The following PSIP1 variants were observed in gnomAD, a reference collection of about 807,000 sequenced individuals.
PSIP1 encodes the protein PC4 and SFRS1-interacting protein.
Under a neutral mutation model 74.7 loss-of-function variants are expected in PSIP1, and 19 were observed. That is an observed-to-expected ratio of 0.25 (90% CI 0.18 to 0.37). The LOEUF (loss-of-function observed/expected upper bound fraction) is 0.37, where lower values mean the gene tolerates loss of function less well. PSIP1 is among the 10% of genes least tolerant of loss of function. PSIP1 has a pLI of 1.00. For synonymous variants in PSIP1, 222 were observed against 195.3 expected, an observed-to-expected ratio of 1.14 and a Z score of -1.14; for missense variants, 601 against 614.3, an observed-to-expected ratio of 0.98 and a Z score of 0.23.
chr9:15,504,080 C>G (rs2037470433), intron 3 of PSIP1, among the ~76,000 whole-genome samples: 2 of 152,200 alleles, frequency 1.3e-5, no homozygotes, highest in East Asian at 3.8e-4. Context: ...AAGTCACCAC[C>G]AGACCAACAT....
chr9:15,482,898 A>G (rs1325652196), intron 6 of PSIP1, among the ~76,000 whole-genome samples: 4 of 152,180 alleles, frequency 2.6e-5, no homozygotes, highest in African/African-American at 4.8e-5. Context: ...AGTATCCTAG[A>G]GCAGCCTATG....
At chr9:15,481,179 T>G (rs1445520676) in intron 6 of PSIP1, among the ~76,000 whole-genome samples, 4 of 152,206 alleles carry the variant, frequency 2.6e-5, no homozygotes, top group African/African-American at 7.2e-5. Context: ...CAATCCTGAT[T>G]CAATAGCTCT....
intron 10 of PSIP1, chr9:15,471,833 G>C (rs1444656751): frequency 3.1e-6 from 3 of 961,194 alleles, no homozygotes; most frequent in African/African-American, 3.5e-5. Flanking sequence ...TATTGACCTA[G>C]AGCATGTTTT....
chr9:15,478,077 C>A (rs997647542), intron 8 of PSIP1, among the ~76,000 whole-genome samples: 4 of 142,510 alleles, frequency 2.8e-5, no homozygotes, highest in East Asian at 2.1e-4. Context: ...TTACAGTGTG[C>A]GATTGCAGCA....
At chr9:15,506,693 T>C in intron 2 of PSIP1, 56 bp from the exon 3 acceptor site, 1 of 1,321,376 alleles carries the variant, frequency 7.6e-7, no homozygotes, top group Non-Finnish European at 1.1e-6. Flanking sequence ...CCTCAACATT[T>C]ATCTGAATAA....
chr9:15,470,276 G>A (rs113867670), intron 10 of PSIP1, among the ~76,000 whole-genome samples: 31 of 152,210 alleles, frequency 2.0e-4, no homozygotes, highest in African/African-American at 7.5e-4. Flanking sequence ...AGGCCACAAT[G>A]GGAAGATGAC....
chr9:15,479,052 G>A (rs1261918444), intron 7 of PSIP1, among the ~76,000 whole-genome samples: 1 of 151,618 alleles, frequency 6.6e-6, no homozygotes, highest in African/African-American at 2.4e-5. Flanking sequence ...CCCATTTTCA[G>A]TAAGAATCCT....
Position 15,510,329 on chromosome 9 carries a change from G to C in PSIP1, c.-141C>G, listed in dbSNP as rs1210686924. ...TGCCTCGGGGCGTCCCGACGCGCCT[G>C]CTAGGGAGAGCACCGAGGGCGGTTA... On this transcript the variant is annotated splice_region_variant and 5_prime_UTR_variant, in exon 2 of 16. Transcript: ENST00000380733. 9 of 480,260 alleles carry C rather than the reference G, an allele frequency of 1.9e-5. No homozygotes were observed. In the East Asian group the frequency reaches 3.2e-4, roughly 17 times the overall value. 29.7% of individuals were successfully genotyped at this position (480,260 alleles called of 1,614,324 possible).
intron 10 of PSIP1, chr9:15,470,608 C>T: frequency 1.0e-6 from 1 of 952,698 alleles, no homozygotes; most frequent in Non-Finnish European, 1.2e-6. Context: ...TTCAAATAGA[C>T]AAGAACAAAA....
At chr9:15,473,913 A>AC in intron 9 of PSIP1, 96 bp downstream of exon 9, 11 of 918,634 alleles carry the variant, frequency 1.2e-5, no homozygotes, top group Admixed American at 3.6e-5. Flanking sequence ...ACAAAAAAAA[A>AC]ACAAAAAAAA....
At chr9:15,480,820 T>TGAGGCAGGAGAATTGCTGG (rs1406634932) in intron 6 of PSIP1, among the ~76,000 whole-genome samples, 4 of 152,116 alleles carry the variant, frequency 2.6e-5, no homozygotes, top group Non-Finnish European at 5.9e-5. Context: ...CATAGGAAAC[T>TGAGGCAGGAGAATTGCTGG]GAGGCAGGAG....
intron 6 of PSIP1, among the ~76,000 whole-genome samples, chr9:15,480,573 A>G (rs527788881): frequency 6.6e-6 from 1 of 152,350 alleles, no homozygotes; most frequent in East Asian, 1.9e-4. Context: ...CAATAAACTG[A>G]TACTTTATGA....
At chr9:15,507,619 C>T (rs2037655037) in intron 2 of PSIP1, among the ~76,000 whole-genome samples, 1 of 152,006 alleles carries the variant, frequency 6.6e-6, no homozygotes, top group Non-Finnish European at 1.5e-5. Flanking sequence ...GCCTGGGTGA[C>T]AGAGTGAGAT....
intron 10 of PSIP1, chr9:15,470,665 A>T: frequency 3.2e-6 from 3 of 936,338 alleles, no homozygotes; most frequent in Non-Finnish European, 3.8e-6. Flanking sequence ...TTTATTTTAA[A>T]ATTTTGGTTA....
chr9:15,497,527 A>G (rs2037138773), intron 3 of PSIP1, among the ~76,000 whole-genome samples: 2 of 152,062 alleles, frequency 1.3e-5, no homozygotes, highest in Admixed American at 6.5e-5. Flanking sequence ...GGGTTTCACC[A>G]TGTTGTCCAG....
intron 3 of PSIP1, among the ~76,000 whole-genome samples, chr9:15,494,594 T>TACAC (rs772828753): frequency 1.4e-5 from 1 of 71,932 alleles, no homozygotes; most frequent in African/African-American, 4.9e-5. Context: ...AAAAAAAAAA[T>TACAC]ACACACACAC....
chr9:15,510,076 G>T, intron 2 of PSIP1, 41 bp downstream of exon 2: 1 of 1,558,720 alleles, frequency 6.4e-7, no homozygotes. Flanking sequence ...CTCTGGAGAG[G>T]AGGGTAGCAC....
At chr9:15,496,559 CACT>C (rs1334284355) in intron 3 of PSIP1, among the ~76,000 whole-genome samples, 3 of 152,146 alleles carry the variant, frequency 2.0e-5, no homozygotes, top group Non-Finnish European at 2.9e-5. Flanking sequence ...TGTACCTTTT[CACT>C]ACAATTGTTT....
At chr9:15,495,411 T>C (rs1319680535) in intron 3 of PSIP1, among the ~76,000 whole-genome samples, 2 of 152,196 alleles carry the variant, frequency 1.3e-5, no homozygotes, top group Non-Finnish European at 2.9e-5. Context: ...GATTGTTCTG[T>C]GACCTTTAAA....
Sources: gnomAD v4.1 joint callset for allele counts (sites outside exome capture counted in the v4.1 genomes callset) on GRCh38, gnomAD v4.1.1 for gene constraint, MANE v1.5 for transcripts, NCBI Gene and HGNC (gene_info 2026-07-23, HGNC 2026-07-21) for gene names.